SDCBP: variants seen among roughly 807,000 people sequenced by gnomAD.
SDCBP encodes syntenin-1.
A neutral mutation model predicts 30.5 loss-of-function variants in SDCBP; 22 were observed. The observed-to-expected ratio is 0.72, with a 90% CI of 0.52 to 1.03. The LOEUF (loss-of-function observed/expected upper bound fraction) is 1.03. SDCBP is among the 50% of genes least tolerant of loss of function. The probability of loss-of-function intolerance (pLI) is 0.00; values close to 1 mark genes in which losing one functional copy is unlikely to be tolerated. For synonymous variants in SDCBP, 103 were observed against 118.7 expected, an observed-to-expected ratio of 0.87 and a Z score of 0.86; for missense variants, 304 against 369.9, an observed-to-expected ratio of 0.82 and a Z score of 1.46.
chr8:58,557,181 A>G (rs1585674578), intron 1 of SDCBP, among the ~76,000 whole-genome samples: 1 of 127,056 alleles, frequency 7.9e-6, no homozygotes, highest in South Asian at 2.2e-4. Context: ...ATTATAATAT[A>G]ATATAGTATT....
chr8:58,575,197 G>A (rs1429560612), intron 4 of SDCBP, among the ~76,000 whole-genome samples: 1 of 152,106 alleles, frequency 6.6e-6, no homozygotes, highest in Non-Finnish European at 1.5e-5. Flanking sequence ...CCAAATGGCA[G>A]GATTTCCTTT....
At chr8:58,575,203 C>G (rs1805251840) in intron 4 of SDCBP, among the ~76,000 whole-genome samples, 1 of 152,096 alleles carries the variant, frequency 6.6e-6, no homozygotes, top group Non-Finnish European at 1.5e-5. Flanking sequence ...GGCAGGATTT[C>G]CTTTTTTTAG....
intron 1 of SDCBP, among the ~76,000 whole-genome samples, chr8:58,554,293 T>C (rs1461324276): frequency 3.9e-5 from 6 of 152,212 alleles, no homozygotes; most frequent in Non-Finnish European, 8.8e-5. Context: ...GCCTTTTAAA[T>C]TAAATTGATT....
intron 7 of SDCBP, among the ~76,000 whole-genome samples, 157 bp from the exon 8 acceptor site, chr8:58,580,360 C>T (rs1805622018): frequency 6.6e-6 from 1 of 152,064 alleles, no homozygotes; most frequent in Non-Finnish European, 1.5e-5. Flanking sequence ...TGGTTACTAG[C>T]TGTAAAATAG....
chr8:58,566,880 G>T (rs538583507), intron 2 of SDCBP, among the ~76,000 whole-genome samples: 5 of 152,274 alleles, frequency 3.3e-5, no homozygotes, highest in Admixed American at 6.5e-5. Flanking sequence ...ACTAGGCTGT[G>T]GCTTTTAGCA....
chr8:58,562,420 T>G (rs1804488886), intron 1 of SDCBP, among the ~76,000 whole-genome samples: 2 of 152,226 alleles, frequency 1.3e-5, no homozygotes, highest in South Asian at 4.1e-4. Context: ...AGTGGGAGGA[T>G]TCACATTAAC....
At chr8:58,555,514 A>T (rs1804048399) in intron 1 of SDCBP, among the ~76,000 whole-genome samples, 1 of 151,934 alleles carries the variant, frequency 6.6e-6, no homozygotes, top group Admixed American at 6.5e-5. Flanking sequence ...AACCCCCAGG[A>T]TACTTATTAA....
At chr8:58,577,847 A>AT (rs2129608318) in intron 5 of SDCBP, 186 bp from the exon 6 acceptor site, 1 of 467,236 alleles carries the variant, frequency 2.1e-6, no homozygotes, top group East Asian at 3.7e-5. Flanking sequence ...CTGTCTTGAT[A>AT]AATTTTTCAG....
chr8:58,559,965 G>A (rs1804348594), intron 1 of SDCBP, among the ~76,000 whole-genome samples: 1 of 152,182 alleles, frequency 6.6e-6, no homozygotes, highest in South Asian at 2.1e-4. Context: ...TGAAACATCT[G>A]TGTGACATTC....
chr8:58,572,609 C>T (rs183365799), intron 4 of SDCBP, among the ~76,000 whole-genome samples: 19 of 152,108 alleles, frequency 1.2e-4, no homozygotes, highest in South Asian at 2.1e-4. Flanking sequence ...TTCTTGTATT[C>T]ATTTTATCTG....
chr8:58,559,552 A>T (rs1252383889), intron 1 of SDCBP, among the ~76,000 whole-genome samples: 1 of 152,020 alleles, frequency 6.6e-6, no homozygotes, highest in East Asian at 1.9e-4. Context: ...CAAGAATGTG[A>T]ATTTTTTTTT....
chr8:58,561,920 G>C (rs2129607473), intron 1 of SDCBP: 1 of 527,514 alleles, frequency 1.9e-6, no homozygotes, highest in Admixed American at 3.6e-5. Flanking sequence ...ATGCAGTATG[G>C]GGATGGATGA....
At chr8:58,562,326 T>A (rs1804484468) in intron 1 of SDCBP, among the ~76,000 whole-genome samples, 1 of 152,166 alleles carries the variant, frequency 6.6e-6, no homozygotes, top group Admixed American at 6.5e-5. Context: ...TTTATTTTTT[T>A]ACAGAAATGG....
intron 2 of SDCBP, among the ~76,000 whole-genome samples, chr8:58,566,636 A>G (rs1804718990): frequency 6.6e-6 from 1 of 152,116 alleles, no homozygotes; most frequent in Non-Finnish European, 1.5e-5. Context: ...AAATATTCCT[A>G]ATTTAGCCAT....
intron 6 of SDCBP, 31 bp from the exon 7 acceptor site, chr8:58,579,592 A>T (rs1805558420): frequency 6.9e-7 from 1 of 1,454,620 alleles, no homozygotes; most frequent in Non-Finnish European, 9.1e-7. Context: ...GCTTAGAATT[A>T]AGTTTTTAAT....
At chr8:58,567,895 T>TGTACAATG in intron 2 of SDCBP, among the ~76,000 whole-genome samples, 1 of 152,224 alleles carries the variant, frequency 6.6e-6, no homozygotes, top group East Asian at 1.9e-4. Context: ...TGTAAAAGAT[T>TGTACAATG]TAAAATGGTA....
At chr8:58,570,211 G>A (rs890898223) in intron 2 of SDCBP, among the ~76,000 whole-genome samples, 1 of 152,312 alleles carries the variant, frequency 6.6e-6, no homozygotes, top group East Asian at 1.9e-4. Context: ...GCCCTGAGAA[G>A]AGGATACTTG....
intron 1 of SDCBP, among the ~76,000 whole-genome samples, chr8:58,557,324 A>G (rs1804189260): frequency 7.3e-6 from 1 of 136,534 alleles, no homozygotes; most frequent in Admixed American, 7.6e-5. Context: ...ATAAATATAA[A>G]ATATATAAAT....
At chr8:58,564,320 A>G (rs1800071960) in intron 1 of SDCBP, among the ~76,000 whole-genome samples, 2 of 152,230 alleles carry the variant, frequency 1.3e-5, no homozygotes, top group African/African-American at 4.8e-5. Flanking sequence ...CAAAACAGCT[A>G]AATAAAATTT....
Sources: allele counts gnomAD v4.1 joint callset (sites outside exome capture counted in the v4.1 genomes callset), GRCh38; gene constraint gnomAD v4.1.1; transcripts MANE v1.5; gene names NCBI Gene and HGNC (gene_info 2026-07-23, HGNC 2026-07-21).